Variants in HYDIN observed in about 807,000 individuals in gnomAD.
HYDIN encodes HYDIN axonemal central pair apparatus protein.
A neutral mutation model predicts 403.9 loss-of-function variants in HYDIN; 132 were observed. That is an observed-to-expected ratio of 0.33 (90% CI 0.28 to 0.38). HYDIN has a LOEUF of 0.38. Ranked by LOEUF, HYDIN falls within the 10% of genes least tolerant of loss-of-function variation. HYDIN has a pLI of 1.00. For synonymous variants in HYDIN, 1,202 were observed against 1,891.7 expected (o/e 0.64, Z 9.46); for missense variants, 2,827 against 5,009.5 (o/e 0.56, Z 13.15).
At chr16:71,114,396 C>T (rs1034201595) in intron 10 of HYDIN, among the ~76,000 whole-genome samples, 5 of 150,704 alleles carry the variant, frequency 3.3e-5, no homozygotes, top group African/African-American at 7.3e-5. Flanking sequence ...TGTGTCATTT[C>T]GACATGTGCC....
chr16:71,011,574 C>CA (rs1567989006), intron 23 of HYDIN, among the ~76,000 whole-genome samples: 15 of 150,034 alleles, frequency 1.0e-4, no homozygotes, highest in Admixed American at 2.0e-4. Context: ...CAAAAAACAA[C>CA]AAAAAAACCA....
At chr16:71,212,603 G>A (rs535235085) in intron 1 of HYDIN, among the ~76,000 whole-genome samples, 1 of 152,218 alleles carries the variant, frequency 6.6e-6, no homozygotes, top group East Asian at 1.9e-4. Flanking sequence ...AATGGCTGAA[G>A]AGAAAAATTA....
chr16:70,989,444 T>G (rs1384455217), intron 25 of HYDIN, among the ~76,000 whole-genome samples: 1 of 152,190 alleles, frequency 6.6e-6, no homozygotes, highest in East Asian at 1.9e-4. Context: ...CTAAAAAATT[T>G]TTAAAATATA....
At chr16:70,946,293 C>A (rs1018049728) in intron 41 of HYDIN, among the ~76,000 whole-genome samples, 1 of 142,738 alleles carries the variant, frequency 7.0e-6, no homozygotes, top group African/African-American at 2.6e-5. Flanking sequence ...TTGGTGAAAT[C>A]AGAATAGAGA....
intron 23 of HYDIN, among the ~76,000 whole-genome samples, chr16:71,012,419 C>T (rs2080117895): frequency 6.6e-6 from 1 of 152,238 alleles, no homozygotes; most frequent in Non-Finnish European, 1.5e-5. Flanking sequence ...GCTGCCTTTT[C>T]CTCTTACCGA....
chr16:71,058,810 C>T (rs2081987518), intron 18 of HYDIN, among the ~76,000 whole-genome samples: 1 of 151,624 alleles, frequency 6.6e-6, no homozygotes, highest in Non-Finnish European at 1.5e-5. Context: ...GATTTTCTTC[C>T]ACCTCTGCCA....
At chr16:71,219,623 G>T (rs1159553935) in intron 1 of HYDIN, among the ~76,000 whole-genome samples, 1 of 151,884 alleles carries the variant, frequency 6.6e-6, no homozygotes, top group Non-Finnish European at 1.5e-5. Context: ...CCACCTCAAG[G>T]GATAAATATG....
At position 71,093,181 on chromosome 16, in the gene HYDIN, G is replaced by T. The variant is rs565099240; in HGVS notation, c.1446+636C>A. 3.9e-5 allele frequency among the ~76,000 whole-genome samples: 6 copies of T among 152,150 alleles called. No individual in the cohort carries two copies. The South Asian group carries it at 6.2e-4, about 16-fold the overall frequency. On this transcript the variant is annotated intron_variant, in intron 11 of 85. Transcript: ENST00000393567. Reference sequence around the variant, plus strand: ...AACTTTCCCAAAATGAAGTTTCAAGGGTTACAGTCTGATGTAATGTAAAAA... The same window carrying T: ...AACTTTCCCAAAATGAAGTTTCAAGTGTTACAGTCTGATGTAATGTAAAAA...
chr16:71,208,108 G>A (rs542062755), intron 1 of HYDIN, among the ~76,000 whole-genome samples: 1 of 152,054 alleles, frequency 6.6e-6, no homozygotes, highest in South Asian at 2.1e-4. Context: ...AAAGACAACA[G>A]AATATACATT....
intron 18 of HYDIN, among the ~76,000 whole-genome samples, chr16:71,035,712 T>A (rs1245738778): frequency 1.3e-5 from 2 of 152,176 alleles, no homozygotes; most frequent in African/African-American, 4.8e-5. Flanking sequence ...CAGAAGCTTA[T>A]TTTGGGCCCA....
At chr16:70,819,957 G>A (rs1173816278) in intron 83 of HYDIN, among the ~76,000 whole-genome samples, 2 of 145,006 alleles carry the variant, frequency 1.4e-5, no homozygotes, top group South Asian at 2.2e-4. Flanking sequence ...ACAGGCGTCC[G>A]CCATCACGCC....
intron 22 of HYDIN, among the ~76,000 whole-genome samples, chr16:71,018,877 T>C (rs1307547758): frequency 2.7e-5 from 4 of 149,940 alleles, no homozygotes; most frequent in Admixed American, 6.7e-5. Flanking sequence ...GGAAAAATTC[T>C]TTGCTTAAGA....
In HYDIN at chr16:70,881,254, CTCACTTTTTA is replaced by C. The variant is rs1178709344; in HGVS notation, c.10215+1396_10215+1405del. On this transcript the variant is annotated intron_variant, in intron 60 of 85. Transcript: ENST00000393567. The stretch of plus-strand genomic sequence containing the variant: ...AAAAAAAAAAAAAAAATCAGTCTTC[CTCACTTTTTA>C]TGTTTTTAGTACAGAAGAGGAAGAA... Among the ~76,000 whole-genome samples the C allele has an allele frequency of 6.5e-5, 9 of 137,588 alleles. No individual in the cohort carries two copies. In the East Asian group the frequency reaches 1.8e-3, roughly 27 times the overall value. 90.3% of individuals were successfully genotyped at this position (137,588 alleles called of 152,430 possible).
chr16:70,978,551 C>T (rs1457578411), intron 30 of HYDIN, among the ~76,000 whole-genome samples: 1 of 152,106 alleles, frequency 6.6e-6, no homozygotes, highest in Non-Finnish European at 1.5e-5. Flanking sequence ...TCCCCAAGTT[C>T]CTGTCCCCTC....
chr16:71,098,257 A>G (rs979742007), intron 10 of HYDIN, among the ~76,000 whole-genome samples: 4 of 146,144 alleles, frequency 2.7e-5, no homozygotes, highest in African/African-American at 1.0e-4. Context: ...GCTGGAGTGC[A>G]GTGGTGCGAT....
rs1272179830 is a variant in HYDIN at position 71,115,718 on chromosome 16, C to A, written c.1305G>T (p.Gln435His). 1 of 953,354 alleles carries A rather than the reference C, an allele frequency of 1.0e-6. No homozygotes were observed. The highest frequency in any genetic ancestry group is 1.7e-6 in the Non-Finnish European group (1 of 588,522). 59.1% of individuals were successfully genotyped at this position (953,354 alleles called of 1,614,324 possible). ...TACCTAAAATGTCGCAGTAAATGGT[C>A]TGTTGATAGAGCTTGGCTTCTAGTG... Reference protein sequence around the residue: ...FNPLEAKLYQQTIYCDILGRE... With the variant: ...FNPLEAKLYQHTIYCDILGRE... Residue 435 changes from glutamine (Q) to histidine (H), a missense_variant, in exon 10 of 86, where the codon CAG (glutamine) becomes CAT (histidine). Transcript: ENST00000393567.
At chr16:71,145,037 C>G (rs539254506) in intron 7 of HYDIN, among the ~76,000 whole-genome samples, 2 of 150,898 alleles carry the variant, frequency 1.3e-5, no homozygotes, top group South Asian at 2.1e-4. Context: ...TGTGTTTAGG[C>G]AGTTATTAGC....
At chr16:71,174,685 G>C (rs2086597055) in intron 5 of HYDIN, among the ~76,000 whole-genome samples, 1 of 152,074 alleles carries the variant, frequency 6.6e-6, no homozygotes. Flanking sequence ...TCTCCTAGAA[G>C]GAACTGGAAT....
intron 23 of HYDIN, among the ~76,000 whole-genome samples, chr16:70,996,635 G>T (rs1280913261): frequency 3.9e-5 from 6 of 152,078 alleles, no homozygotes; most frequent in Non-Finnish European, 5.9e-5. Context: ...CTCTTGTGTG[G>T]GGTTGGTGAG....
Sources: gnomAD v4.1 joint callset for allele counts (sites outside exome capture counted in the v4.1 genomes callset) on GRCh38, gnomAD v4.1.1 for gene constraint, MANE v1.5 for transcripts, NCBI Gene and HGNC (gene_info 2026-07-23, HGNC 2026-07-21) for gene names.